PRMT3: variants seen among roughly 807,000 people sequenced by gnomAD.
The protein encoded by PRMT3 is protein arginine N-methyltransferase 3.
Under a neutral mutation model 71.9 loss-of-function variants are expected in PRMT3, and 62 were observed. The observed-to-expected ratio is 0.86, with a 90% confidence interval of 0.70 to 1.07. The LOEUF is 1.07. Ranked by LOEUF, PRMT3 falls within the 50% of genes least tolerant of loss-of-function variation. The probability of loss-of-function intolerance (pLI) is 0.00; values close to 1 mark genes in which losing one functional copy is unlikely to be tolerated. For missense variants in PRMT3, 663 were observed against 643.0 expected (o/e 1.03, Z -0.34); for synonymous variants, 213 against 220.4 (o/e 0.97, Z 0.30).
At position 20,387,796 on chromosome 11, in the gene PRMT3, C is replaced by T; in HGVS notation, c.28+22C>T. ...ACCGGTGGGTACCCTGGCCCCTCAGCACCCGGCTCGTCCAGCCCCAGGCCG... is the reference window on the plus strand; with the variant it reads ...ACCGGTGGGTACCCTGGCCCCTCAGTACCCGGCTCGTCCAGCCCCAGGCCG... On this transcript the variant is annotated intron_variant, in intron 1 of 15. Coordinates refer to ENST00000331079, the MANE Select transcript of PRMT3 (RefSeq NM_005788.4). The surrounding 1 kb of genome is among the most constrained non-coding windows in gnomAD (Gnocchi z 4.3). The T allele has an allele frequency of 1.3e-6, 2 of 1,541,672 alleles. No homozygotes were observed. The highest frequency in any genetic ancestry group is 1.7e-6 in the Non-Finnish European group (2 of 1,146,284).
chr11:20,479,833 C>T (rs1254438590), intron 13 of PRMT3, among the ~76,000 whole-genome samples: 3 of 152,108 alleles, frequency 2.0e-5, no homozygotes, highest in African/African-American at 7.2e-5. Flanking sequence ...CTCCTGGATC[C>T]AGATACACAC....
chr11:20,451,250 A>G (rs889843289), intron 10 of PRMT3, among the ~76,000 whole-genome samples: 1 of 152,064 alleles, frequency 6.6e-6, no homozygotes, highest in Non-Finnish European at 1.5e-5. Flanking sequence ...ATCATGTTTC[A>G]TGAATTTTAT....
At chr11:20,408,940 T>C (rs1849131199) in intron 9 of PRMT3, among the ~76,000 whole-genome samples, 1 of 151,588 alleles carries the variant, frequency 6.6e-6, no homozygotes, top group Admixed American at 6.6e-5. Context: ...ATAAAAAGTG[T>C]TTTAAAATTA....
chr11:20,388,057 G>C lies in PRMT3; in HGVS notation c.67G>C (p.Glu23Gln), dbSNP rs1274570530. 1 of 1,614,072 alleles carries C rather than the reference G, an allele frequency of 6.2e-7. No individual in the cohort carries two copies. ...GAVENEEDLP[E>Q]LSDSGDEAAW... is the part of the protein sequence containing the mutation. ...TGTGGAGAATGAGGAGGACCTGCCA[G>C]AACTGTCGGACAGCGGGGACGAGGC... The change falls in exon 2 of 16, where the codon GAA becomes CAA. Residue 23 changes from glutamate (E) to glutamine (Q), a missense_variant. Transcript: ENST00000331079.
In PRMT3 at chr11:20,497,278, A is replaced by G. The variant is rs530623614; in HGVS notation, c.1486+3024A>G. ...AGTAACTGGTTTGTGCTTTGCTCTTAGGTATTTATAGAATATCGTGAAGGA... is the reference window on the plus strand; with the variant it reads ...AGTAACTGGTTTGTGCTTTGCTCTTGGGTATTTATAGAATATCGTGAAGGA... On this transcript the variant is annotated intron_variant, in intron 15 of 15. Transcript: ENST00000331079. Among the ~76,000 whole-genome samples the G allele has an allele frequency of 1.3e-4, 20 of 152,288 alleles. No homozygotes were observed. The South Asian group carries it at 3.7e-3, about 28-fold the overall frequency.
intron 9 of PRMT3, among the ~76,000 whole-genome samples, chr11:20,419,558 G>T (rs1445997647): frequency 6.6e-6 from 1 of 152,142 alleles, no homozygotes; most frequent in Non-Finnish European, 1.5e-5. Flanking sequence ...TAAGGAATCT[G>T]TACCTTTTCT....
At chr11:20,436,268 C>G (rs1240183781) in intron 10 of PRMT3, among the ~76,000 whole-genome samples, 1 of 152,174 alleles carries the variant, frequency 6.6e-6, no homozygotes, top group Admixed American at 6.5e-5. Context: ...TCCCTTCTTT[C>G]CAATTTGGAT....
At position 20,392,265 on chromosome 11, in the gene PRMT3, G is replaced by T. The variant is rs1489470827; in HGVS notation, c.297+5G>T. On this transcript the variant is annotated splice_donor_5th_base_variant and intron_variant, in intron 4 of 15. Transcript: ENST00000331079. Reference sequence around the variant, plus strand: ...ATAAATTTTATTAGACTTAAGGTAAGTTGACAGCTTAATTTATAATTTCGT... The same window carrying T: ...ATAAATTTTATTAGACTTAAGGTAATTTGACAGCTTAATTTATAATTTCGT... 6.4e-7 allele frequency: 1 copy of T among 1,558,996 alleles called. No homozygotes were observed. The highest frequency in any genetic ancestry group is 8.7e-7 in the Non-Finnish European group (1 of 1,143,686).
At chr11:20,461,842 C>T in intron 11 of PRMT3, 138 bp from the exon 12 acceptor site, 1 of 649,726 alleles carries the variant, frequency 1.5e-6, no homozygotes. Context: ...GTTGTTTTTC[C>T]TGATCTATAC....
chr11:20,502,009 G>A (rs1203069729), intron 15 of PRMT3, among the ~76,000 whole-genome samples: 1 of 151,972 alleles, frequency 6.6e-6, no homozygotes, highest in African/African-American at 2.4e-5. Flanking sequence ...TTTTTCTGGG[G>A]AAATGAAGTT....
At chr11:20,486,983 G>A (rs900478149) in intron 13 of PRMT3, among the ~76,000 whole-genome samples, 1 of 151,760 alleles carries the variant, frequency 6.6e-6, no homozygotes, top group Non-Finnish European at 1.5e-5. Context: ...CTTGAACCCA[G>A]GAGGTGGAGG....
intron 11 of PRMT3, among the ~76,000 whole-genome samples, chr11:20,456,497 A>G (rs1319964213): frequency 6.6e-6 from 1 of 152,172 alleles, no homozygotes; most frequent in East Asian, 1.9e-4. Context: ...TATCTTGAAA[A>G]TTAATTGGCC....
chr11:20,440,169 G>T (rs1272379664), intron 10 of PRMT3, among the ~76,000 whole-genome samples: 4 of 152,208 alleles, frequency 2.6e-5, no homozygotes, highest in Non-Finnish European at 4.4e-5. Context: ...ACTGGATAGA[G>T]AAAATTTCTT....
At chr11:20,437,867 G>A (rs1471054003) in intron 10 of PRMT3, among the ~76,000 whole-genome samples, 7 of 152,084 alleles carry the variant, frequency 4.6e-5, no homozygotes, top group African/African-American at 1.7e-4. Context: ...GGGATTACAG[G>A]CGTGAGCCAC....
chr11:20,424,118 A>C (rs1383927356), intron 9 of PRMT3, among the ~76,000 whole-genome samples: 2 of 149,922 alleles, frequency 1.3e-5, no homozygotes, highest in East Asian at 3.9e-4. Flanking sequence ...CGGGAGGTGG[A>C]GCTTACAGTG....
intron 13 of PRMT3, among the ~76,000 whole-genome samples, chr11:20,485,699 G>A (rs1851055941): frequency 6.6e-6 from 1 of 152,124 alleles, no homozygotes; most frequent in Non-Finnish European, 1.5e-5. Context: ...GTAGATACAA[G>A]AAAAGGTCTA....
intron 13 of PRMT3, among the ~76,000 whole-genome samples, chr11:20,492,663 A>G (rs186640655): frequency 6.6e-5 from 10 of 152,228 alleles, no homozygotes; most frequent in Non-Finnish European, 1.3e-4. Flanking sequence ...AAAAGTGATT[A>G]AGTCCAGCTA....
chr11:20,424,108 C>T (rs1418418491), intron 9 of PRMT3, among the ~76,000 whole-genome samples: 11 of 150,188 alleles, frequency 7.3e-5, no homozygotes, highest in South Asian at 2.1e-4. Flanking sequence ...GGTGTAAACC[C>T]GGGAGGTGGA....
intron 10 of PRMT3, among the ~76,000 whole-genome samples, chr11:20,429,149 CCA>C (rs1342533213): frequency 6.6e-6 from 1 of 152,178 alleles, no homozygotes; most frequent in Non-Finnish European, 1.5e-5. Flanking sequence ...GCACCAGGGT[CCA>C]GTTTCATGGA....
Sources: allele counts gnomAD v4.1 joint callset (sites outside exome capture counted in the v4.1 genomes callset), GRCh38; gene constraint gnomAD v4.1.1; non-coding constraint Gnocchi (gnomAD v3.1); transcripts MANE v1.5; gene names NCBI Gene and HGNC (gene_info 2026-07-23, HGNC 2026-07-21).